The following PPP2R5C variants were observed in gnomAD, a reference collection of about 807,000 sequenced individuals.
PPP2R5C encodes serine/threonine-protein phosphatase 2A 56 kDa regulatory subunit gamma isoform.
A neutral mutation model predicts 68.9 loss-of-function variants in PPP2R5C; 7 were observed. The ratio of observed to expected loss-of-function variants is 0.10; its 90% CI spans 0.06 to 0.19. The LOEUF is 0.19. Among genes scored for constraint, PPP2R5C ranks in the 10% least tolerant of loss-of-function variants. The pLI is 1.00. For missense variants in PPP2R5C, 348 were observed against 641.3 expected, an observed-to-expected ratio of 0.54 and a Z score of 4.94; for synonymous variants, 210 against 222.2, an observed-to-expected ratio of 0.95 and a Z score of 0.49.
chr14:101,841,018 AAC>A (rs1285417881), intron 1 of PPP2R5C, among the ~76,000 whole-genome samples: 3 of 152,162 alleles, frequency 2.0e-5, no homozygotes, highest in Non-Finnish European at 4.4e-5. Context: ...AAAAAACAAA[AAC>A]AACATTTATT....
chr14:101,763,500 A>G (rs780848362), intron 2 of PPP2R5C, among the ~76,000 whole-genome samples: 6 of 151,932 alleles, frequency 3.9e-5, no homozygotes, highest in Non-Finnish European at 8.8e-5. Context: ...CTCCTGCCTC[A>G]GCCTCCTGAG....
chr14:101,788,091 G>A (rs774978388), intron 3 of PPP2R5C, among the ~76,000 whole-genome samples: 10 of 152,120 alleles, frequency 6.6e-5, no homozygotes, highest in Admixed American at 1.3e-4. Context: ...AGTACCCTCC[G>A]GAGGCCCAGA....
intron 5 of PPP2R5C, among the ~76,000 whole-genome samples, chr14:101,884,974 GT>G (rs1351990752): frequency 6.6e-6 from 1 of 152,272 alleles, no homozygotes; most frequent in African/African-American, 2.4e-5. Context: ...TAAATGAGCA[GT>G]TTCTTCTACA....
chr14:101,807,626 T>C (rs1235639373), upstream of PPP2R5C, among the ~76,000 whole-genome samples: 1 of 152,192 alleles, frequency 6.6e-6, no homozygotes, highest in Admixed American at 6.5e-5. Flanking sequence ...TTTATTCAAG[T>C]CTTCTTTTCT....
Position 101,892,855 on chromosome 14 carries a change from G to T in PPP2R5C, c.690-145G>T, listed in dbSNP as rs533491424. 27 of 623,676 alleles carry T rather than the reference G, an allele frequency of 4.3e-5. No individual in the cohort carries two copies. The African/African-American group carries it at 5.0e-4, about 11-fold the overall frequency. The allele number at this position is 623,676 out of a possible 1,614,324, so 38.6% of individuals were successfully genotyped here. On this transcript the variant is annotated intron_variant, in intron 6 of 13. Transcript: ENST00000334743. ...GCCTCAGCCTCCCAAGTTAGCTGGG[G>T]CACAGGTGCATGGCAACATGCTTGG...
intron 1 of PPP2R5C, among the ~76,000 whole-genome samples, chr14:101,816,592 AAT>A (rs2039684502): frequency 2.0e-5 from 3 of 152,038 alleles, no homozygotes; most frequent in Non-Finnish European, 4.4e-5. Context: ...GGATGTGTGG[AAT>A]TACTGCGAAC....
chr14:101,787,740 C>G (rs1196799328), intron 3 of PPP2R5C, among the ~76,000 whole-genome samples: 2 of 141,058 alleles, frequency 1.4e-5, no homozygotes, highest in Non-Finnish European at 3.0e-5. Context: ...GCACTCCAGC[C>G]TGGGCGACAG....
chr14:101,765,226 C>G (rs1566818355), intron 2 of PPP2R5C: 1 of 702,848 alleles, frequency 1.4e-6, no homozygotes, highest in Non-Finnish European at 2.6e-6. Context: ...GGGCCCTTCA[C>G]TGCTTCCTCA....
chr14:101,764,036 C>G (rs868756673), intron 2 of PPP2R5C, among the ~76,000 whole-genome samples: 75 of 136,154 alleles, frequency 5.5e-4, no homozygotes, highest in African/African-American at 1.9e-3. Flanking sequence ...TGTGGGCGCG[C>G]GCACTTGCGC....
intron 2 of PPP2R5C, among the ~76,000 whole-genome samples, chr14:101,867,236 A>G (rs935109344): frequency 6.6e-6 from 1 of 151,426 alleles, no homozygotes; most frequent in Admixed American, 6.6e-5. Context: ...AGCAAGAAGA[A>G]AGAGAAAGTT....
chr14:101,925,315 C>T, exon 14 of PPP2R5C: 1 of 1,605,690 alleles, frequency 6.2e-7, no homozygotes, highest in Non-Finnish European at 8.5e-7. Context: ...CAGTTCTTTT[C>T]CGGATTCTGT....
chr14:101,765,447 A>G (rs2036801875), intron 2 of PPP2R5C: 2 of 586,164 alleles, frequency 3.4e-6, no homozygotes, highest in East Asian at 2.8e-5. Context: ...TGACTCATGC[A>G]GGTGAATTAA....
intron 12 of PPP2R5C, chr14:101,914,659 C>A (rs749817032): frequency 1.1e-4 from 17 of 156,958 alleles, no homozygotes; most frequent in Non-Finnish European, 2.4e-4. Context: ...TGTGACAGCA[C>A]GTACCCAGCA....
At chr14:101,851,268 A>G (rs577168666) in intron 1 of PPP2R5C, among the ~76,000 whole-genome samples, 1 of 152,252 alleles carries the variant, frequency 6.6e-6, no homozygotes, top group South Asian at 2.1e-4. Flanking sequence ...TTGTGTCTCT[A>G]TAAACAATTT....
Position 101,916,628 on chromosome 14 carries a change from C to T in PPP2R5C, c.1327-1203C>T, listed in dbSNP as rs1400674335. Among the ~76,000 whole-genome samples the T allele has an allele frequency of 2.0e-5, 3 of 149,096 alleles. No homozygotes were observed. The highest frequency in any genetic ancestry group is 4.4e-5 in the Non-Finnish European group (3 of 67,450). On this transcript the variant is annotated intron_variant, in intron 12 of 13. Coordinates refer to ENST00000334743, the Ensembl canonical transcript of PPP2R5C. This position sits in a 1 kb window ranked among gnomAD's most constrained non-coding sequence, Gnocchi z 5.5. ...ATAGGCCTCATGCCAGAGGTGGCTC[C>T]GTCAGAGGATGAGGGCCAACACCAG...
At position 101,826,424 on chromosome 14, in the gene PPP2R5C, G is replaced by A. The variant is rs147962137; in HGVS notation, c.94+16388G>A. On this transcript the variant is annotated intron_variant, in intron 1 of 13. Coordinates refer to ENST00000334743, the Ensembl canonical transcript of PPP2R5C. ...TTATTTCCCTCATTGAATGGATTTGGCACACTTGTTGAAAGTCAATGGACC... is the reference window on the plus strand; with the variant it reads ...TTATTTCCCTCATTGAATGGATTTGACACACTTGTTGAAAGTCAATGGACC... Among the ~76,000 whole-genome samples, 199 of 152,184 alleles carry A rather than the reference G, an allele frequency of 1.3e-3. 1 individual carries two copies. The highest frequency in any genetic ancestry group is 4.5e-3 in the African/African-American group (187 of 41,508).
chr14:101,824,085 T>G, intron 1 of PPP2R5C: 3 of 1,289,180 alleles, frequency 2.3e-6, no homozygotes, highest in Non-Finnish European at 3.0e-6. Context: ...GGACTGACTT[T>G]CCACTTGATT....
Position 101,917,789 on chromosome 14 carries a change from G to A in PPP2R5C, c.1327-42G>A, listed in dbSNP as rs764952622. ...CAGGATGAGAAGCTTGGAGTTCAGAGCCTGGGCACCTAACAGAGCGACTCC... is the reference window on the plus strand; with the variant it reads ...CAGGATGAGAAGCTTGGAGTTCAGAACCTGGGCACCTAACAGAGCGACTCC... On this transcript the variant is annotated intron_variant, in intron 12 of 13. Coordinates refer to ENST00000334743, the Ensembl canonical transcript of PPP2R5C. This position sits in a 1 kb window ranked among gnomAD's most constrained non-coding sequence, Gnocchi z 4.4. The A allele has an allele frequency of 3.7e-6, 6 of 1,610,372 alleles. No homozygotes were observed. In the African/African-American group the frequency reaches 5.3e-5, roughly 14 times the overall value.
At chr14:101,802,344 G>A (rs899559728) in intron 3 of PPP2R5C, among the ~76,000 whole-genome samples, 14 of 152,148 alleles carry the variant, frequency 9.2e-5, no homozygotes, top group African/African-American at 2.9e-4. Context: ...CCCAGGAGGC[G>A]GAGATTGCAG....
Sources: allele counts gnomAD v4.1 joint callset (sites outside exome capture counted in the v4.1 genomes callset), GRCh38; gene constraint gnomAD v4.1.1; non-coding constraint Gnocchi (gnomAD v3.1); transcripts MANE v1.5; gene names NCBI Gene and HGNC (gene_info 2026-07-23, HGNC 2026-07-21).